BBS9: variants seen among roughly 807,000 people sequenced by gnomAD.
The protein encoded by BBS9 is Bardet-Biedl syndrome 9.
BBS9 carries 89 observed loss-of-function variants against 117.7 expected under a neutral mutation model. The ratio of observed to expected loss-of-function variants is 0.76; its 90% CI spans 0.64 to 0.90. BBS9 has a LOEUF of 0.90. BBS9 is among the 40% of genes least tolerant of loss of function. BBS9 has a pLI of 0.00. For synonymous variants in BBS9, 379 were observed against 370.9 expected (o/e 1.02, Z -0.25); for missense variants, 982 against 1,042.2 (o/e 0.94, Z 0.80).
rs560627066 is a variant in BBS9 at position 33,457,529 on chromosome 7, TC to T, written c.2116-47933del. Among the ~76,000 whole-genome samples the T allele has an allele frequency of 2.0e-3, 307 of 152,272 alleles. 1 individual carries two copies. The highest frequency in any genetic ancestry group is 7.1e-3 in the African/African-American group (293 of 41,544). On this transcript the variant is annotated intron_variant, in intron 19 of 22. Coordinates refer to ENST00000242067, the MANE Select transcript of BBS9 (RefSeq NM_198428.3). ...CACTCAATGAGAAATGTCACCGTAT[TC>T]ATTTCTGTATGTTGAGAGATCAGAT...
At chr7:33,517,288 A>G (rs113386850) in intron 20 of BBS9, among the ~76,000 whole-genome samples, 7 of 152,350 alleles carry the variant, frequency 4.6e-5, no homozygotes, top group African/African-American at 1.7e-4. Context: ...TGAAGTAGGC[A>G]GTGGTAGCAC....
intron 21 of BBS9, among the ~76,000 whole-genome samples, chr7:33,623,594 AAG>A (rs1475302421): frequency 3.3e-4 from 1 of 3,058 alleles, no homozygotes; most frequent in Non-Finnish European, 5.7e-4. Context: ...GATTAAAAAA[AAG>A]AAAAACCAAA....
intron 19 of BBS9, among the ~76,000 whole-genome samples, chr7:33,488,358 A>AT (rs1843398802): frequency 6.6e-6 from 1 of 151,890 alleles, no homozygotes; most frequent in Non-Finnish European, 1.5e-5. Flanking sequence ...GACATTTTGC[A>AT]TTTTTTCCTC....
intron 19 of BBS9, among the ~76,000 whole-genome samples, chr7:33,480,902 TG>T (rs1482344687): frequency 1.3e-5 from 2 of 152,062 alleles, no homozygotes; most frequent in Non-Finnish European, 2.9e-5. Context: ...GGTTTAAAAG[TG>T]TTTGGCAGTT....
At chr7:33,426,007 A>G (rs1279145364) in intron 19 of BBS9, among the ~76,000 whole-genome samples, 1 of 152,182 alleles carries the variant, frequency 6.6e-6, no homozygotes, top group East Asian at 1.9e-4. Flanking sequence ...ACATTTATCA[A>G]ATTTAGACTA....
At chr7:33,285,111 A>G (rs1584094625) in intron 9 of BBS9, among the ~76,000 whole-genome samples, 2 of 152,310 alleles carry the variant, frequency 1.3e-5, no homozygotes, top group African/African-American at 2.4e-5. Context: ...GATAGTGTAG[A>G]GGGGCCACGG....
At chr7:33,256,711 T>A (rs925888092) in intron 5 of BBS9, among the ~76,000 whole-genome samples, 1 of 152,158 alleles carries the variant, frequency 6.6e-6, no homozygotes, top group Non-Finnish European at 1.5e-5. Context: ...GTGTATGAGC[T>A]AGAGATGACA....
At chr7:33,300,707 A>G (rs1190453523) in intron 9 of BBS9, among the ~76,000 whole-genome samples, 1 of 151,178 alleles carries the variant, frequency 6.6e-6, no homozygotes, top group Non-Finnish European at 1.5e-5. Flanking sequence ...ATAGTAATGA[A>G]CTCTGGACAC....
chr7:33,303,528 C>A (rs1410143055), intron 9 of BBS9, among the ~76,000 whole-genome samples: 2 of 110,748 alleles, frequency 1.8e-5, no homozygotes, highest in African/African-American at 4.0e-5. Context: ...CCCCTCCCCC[C>A]GCCCCTTCTT....
intron 19 of BBS9, among the ~76,000 whole-genome samples, chr7:33,495,380 T>C (rs539557268): frequency 2.4e-4 from 37 of 152,238 alleles, no homozygotes; most frequent in African/African-American, 7.7e-4. Context: ...CGAGGCAGTG[T>C]GGGTGGTTGC....
chr7:33,531,784 C>T (rs1217132028), intron 20 of BBS9, among the ~76,000 whole-genome samples: 1 of 152,124 alleles, frequency 6.6e-6, no homozygotes, highest in Admixed American at 6.5e-5. Context: ...TACACATGTC[C>T]CTGAAAGGAG....
At chr7:33,453,748 G>T (rs1020034372) in intron 19 of BBS9, among the ~76,000 whole-genome samples, 1 of 152,040 alleles carries the variant, frequency 6.6e-6, no homozygotes. Flanking sequence ...TCCAACTCCC[G>T]ACCTCAGGTG....
intron 5 of BBS9, among the ~76,000 whole-genome samples, chr7:33,205,402 A>G (rs938595903): frequency 1.3e-5 from 2 of 152,206 alleles, no homozygotes; most frequent in Non-Finnish European, 2.9e-5. Flanking sequence ...GCTATTGCCC[A>G]CCTATCAGTA....
At chr7:33,295,400 AAAGT>A (rs1805049757) in intron 9 of BBS9, among the ~76,000 whole-genome samples, 1 of 136,288 alleles carries the variant, frequency 7.3e-6, no homozygotes, top group South Asian at 2.4e-4. Flanking sequence ...GAAAAACAAT[AAAGT>A]AAGCAAAATT....
chr7:33,496,033 C>T (rs1253367083), intron 19 of BBS9, among the ~76,000 whole-genome samples: 3 of 152,162 alleles, frequency 2.0e-5, no homozygotes, highest in Middle Eastern at 3.4e-3. Flanking sequence ...ACCAGAAAAA[C>T]CATTGTGACT....
chr7:33,352,890 T>C lies in BBS9; in HGVS notation c.1552+17T>C, dbSNP rs1286991787. 9 of 1,608,222 alleles carry C rather than the reference T, an allele frequency of 5.6e-6. No individual in the cohort carries two copies. Among genetic ancestry groups the C allele is most frequent in the Non-Finnish European group, 7.7e-6 (9 of 1,175,058 alleles). On this transcript the variant is annotated intron_variant, in intron 15 of 22. Transcript: ENST00000242067. ...ATCCTGATGGTAAGTGTAAAGATAA[T>C]TTAGAAAAAAATGAATTTCAGAACT...
intron 20 of BBS9, among the ~76,000 whole-genome samples, chr7:33,520,332 G>A (rs920757648): frequency 2.6e-5 from 4 of 152,126 alleles, no homozygotes. Flanking sequence ...TTTTACTTCT[G>A]TTGCTGTTGC....
At chr7:33,336,191 A>C (rs1815319152) in intron 9 of BBS9, among the ~76,000 whole-genome samples, 1 of 152,224 alleles carries the variant, frequency 6.6e-6, no homozygotes, top group African/African-American at 2.4e-5. Flanking sequence ...TTAGGTCCCC[A>C]AAAGTGGTAG....
chr7:33,335,145 C>T (rs1186072186), intron 9 of BBS9, among the ~76,000 whole-genome samples: 1 of 152,194 alleles, frequency 6.6e-6, no homozygotes, highest in Non-Finnish European at 1.5e-5. Flanking sequence ...TAGACTCTTA[C>T]ATGCCTTATC....
Sources: allele counts gnomAD v4.1 joint callset (sites outside exome capture counted in the v4.1 genomes callset), GRCh38; gene constraint gnomAD v4.1.1; transcripts MANE v1.5; gene names NCBI Gene and HGNC (gene_info 2026-07-23, HGNC 2026-07-21).